The following UVRAG variants were observed in gnomAD, a reference collection of about 807,000 sequenced individuals.
UVRAG encodes UV radiation resistance associated.
A neutral mutation model predicts 78.0 loss-of-function variants in UVRAG; 19 were observed. The ratio of observed to expected loss-of-function variants is 0.24; its 90% CI spans 0.17 to 0.36. UVRAG has a LOEUF of 0.36. Ranked by LOEUF, UVRAG falls within the 10% of genes least tolerant of loss-of-function variation. The pLI, the probability that UVRAG is intolerant of heterozygous loss-of-function variation, is 1.00. For missense variants in UVRAG, 740 were observed against 853.8 expected (o/e 0.87, Z 1.66); for synonymous variants, 323 against 324.6 (o/e 1.00, Z 0.05).
intron 13 of UVRAG, among the ~76,000 whole-genome samples, chr11:76,112,242 G>A (rs1269392107): frequency 6.6e-6 from 1 of 152,150 alleles, no homozygotes; most frequent in Non-Finnish European, 1.5e-5. Flanking sequence ...GCATGTTAAC[G>A]GGTTTCTCAG....
At chr11:75,838,931 G>GAGCT (rs1945848044) in intron 1 of UVRAG, 1 of 152,248 alleles carries the variant, frequency 6.6e-6, no homozygotes, top group Non-Finnish European at 1.5e-5. Context: ...ACAGAGGCCT[G>GAGCT]AGCTAGCACC....
chr11:76,092,897 T>G (rs1951728184), intron 13 of UVRAG, among the ~76,000 whole-genome samples: 2 of 152,222 alleles, frequency 1.3e-5, no homozygotes, highest in South Asian at 2.1e-4. Context: ...GTTTTAGACA[T>G]GAAGTCCTTG....
intron 12 of UVRAG, among the ~76,000 whole-genome samples, chr11:76,050,678 GTAA>G (rs973630405): frequency 6.6e-6 from 1 of 152,112 alleles, no homozygotes; most frequent in South Asian, 2.1e-4. Flanking sequence ...GTTAAGAAAG[GTAA>G]TAATAATAAT....
intron 13 of UVRAG, among the ~76,000 whole-genome samples, chr11:76,083,642 T>C (rs1951537326): frequency 6.6e-6 from 1 of 152,226 alleles, no homozygotes; most frequent in African/African-American, 2.4e-5. Flanking sequence ...TGCTGAACTA[T>C]GACCACTAAG....
chr11:75,833,418 A>G (rs930644363), intron 1 of UVRAG, among the ~76,000 whole-genome samples: 4 of 152,200 alleles, frequency 2.6e-5, no homozygotes, highest in Non-Finnish European at 5.9e-5. Flanking sequence ...TTTTATGTGA[A>G]TCATTTAAAG....
At chr11:76,037,373 A>G (rs747947563) in intron 12 of UVRAG, among the ~76,000 whole-genome samples, 19 of 152,120 alleles carry the variant, frequency 1.2e-4, no homozygotes, top group Non-Finnish European at 1.9e-4. Flanking sequence ...AAAATTAGAT[A>G]CTTATTTAGA....
intron 12 of UVRAG, among the ~76,000 whole-genome samples, chr11:76,048,124 G>T (rs887347648): frequency 3.9e-5 from 6 of 152,112 alleles, no homozygotes; most frequent in Non-Finnish European, 8.8e-5. Flanking sequence ...TGATCTTTTT[G>T]GATAAAAACA....
intron 6 of UVRAG, among the ~76,000 whole-genome samples, chr11:75,932,161 T>C (rs1458622917): frequency 6.6e-6 from 1 of 152,168 alleles, no homozygotes; most frequent in Non-Finnish European, 1.5e-5. Flanking sequence ...TTTGGCAATA[T>C]CAATTTATAA....
intron 7 of UVRAG, among the ~76,000 whole-genome samples, chr11:75,976,280 T>A (rs1949237108): frequency 1.3e-5 from 2 of 152,258 alleles, no homozygotes; most frequent in African/African-American, 4.8e-5. Flanking sequence ...AGTGTTTTAC[T>A]GAGGATTTTT....
At chr11:76,065,900 C>A in intron 13 of UVRAG, 112 bp downstream of exon 13, 1 of 897,776 alleles carries the variant, frequency 1.1e-6, no homozygotes, top group Non-Finnish European at 1.7e-6. Context: ...CGCATTTAAC[C>A]AGTTACATTA....
chr11:76,075,481 C>T (rs2134399842), intron 13 of UVRAG, among the ~76,000 whole-genome samples: 1 of 152,062 alleles, frequency 6.6e-6, no homozygotes, highest in South Asian at 2.1e-4. Flanking sequence ...GGCAGGGTTG[C>T]AGTCGCCTGT....
intron 13 of UVRAG, among the ~76,000 whole-genome samples, chr11:76,089,395 T>A (rs1366917800): frequency 6.6e-6 from 1 of 152,216 alleles, no homozygotes; most frequent in Non-Finnish European, 1.5e-5. Flanking sequence ...TAATTTTAGA[T>A]ACAGTAGTGG....
At chr11:76,043,691 G>T (rs1950694097) in intron 12 of UVRAG, among the ~76,000 whole-genome samples, 1 of 152,180 alleles carries the variant, frequency 6.6e-6, no homozygotes, top group Admixed American at 6.5e-5. Context: ...ATGTCTAGTA[G>T]AAGTGTACAT....
intron 6 of UVRAG, chr11:75,942,512 A>G (rs1948505415): frequency 6.6e-6 from 1 of 152,080 alleles, no homozygotes; most frequent in South Asian, 2.1e-4. Flanking sequence ...AGACTTACAA[A>G]TCCATGTTTT....
chr11:75,842,526 C>A (rs1945939263), intron 1 of UVRAG, among the ~76,000 whole-genome samples: 1 of 151,466 alleles, frequency 6.6e-6, no homozygotes, highest in African/African-American at 2.4e-5. Flanking sequence ...ACTGCAACCT[C>A]CCCCTCCTGG....
In UVRAG at chr11:76,141,107, C is replaced by T; in HGVS notation, c.1794C>T (p.Gly598=). Residue 598 remains glycine, a synonymous_variant, in exon 15 of 15, where the codon GGC becomes GGT. Coordinates refer to ENST00000356136, the MANE Select transcript of UVRAG (RefSeq NM_003369.4). Reference sequence around the variant, plus strand: ...CCGGGCACCGGGCCACAGTCAATGGCACTCTCCTACCCAGCGAGCAGGCCG... The same window carrying T: ...CCGGGCACCGGGCCACAGTCAATGGTACTCTCCTACCCAGCGAGCAGGCCG... The part of the protein sequence containing the change: ...ALSGHRATVN[G]TLLPSEQAGS... 1 of 1,614,178 alleles carries T rather than the reference C, an allele frequency of 6.2e-7. No individual in the cohort carries two copies. Among genetic ancestry groups the T allele is most frequent in the Non-Finnish European group, 8.5e-7 (1 of 1,180,056 alleles).
intron 5 of UVRAG, among the ~76,000 whole-genome samples, chr11:75,898,787 G>A (rs958078724): frequency 1.3e-5 from 2 of 152,170 alleles, no homozygotes; most frequent in African/African-American, 2.4e-5. Flanking sequence ...TTTTCAGGAT[G>A]AAGATGCTGA....
rs780853954 is a variant in UVRAG, at chr11:75,957,696, C to T, written c.594-3748C>T. On this transcript the variant is annotated intron_variant, in intron 6 of 14. Transcript: ENST00000356136. ...ATGTATTTTTTACTTACTAGTTCTT[C>T]TTTATTGTAGCAGTGTTTTGTGACT... Among the ~76,000 whole-genome samples the T allele has an allele frequency of 4.6e-5, 7 of 152,148 alleles. 1 individual carries two copies. Among genetic ancestry groups the T allele is most frequent in the Non-Finnish European group, 1.0e-4 (7 of 67,996 alleles).
chr11:76,027,186 A>T lies in UVRAG; in HGVS notation c.1226+10206A>T, dbSNP rs113628155. 7.3e-3 allele frequency among the ~76,000 whole-genome samples: 1,116 copies of T among 152,238 alleles called. 11 individuals are homozygous for T. Among genetic ancestry groups the T allele is most frequent in the African/African-American group, 0.026 (1,066 of 41,550 alleles). ...TGAAGTGCTAATTATTAAGTTTTGT[A>T]CTTGTAAAGCAAACATATAGGAGAT... is the stretch of plus-strand genomic sequence containing the variant. On this transcript the variant is annotated intron_variant, in intron 12 of 14. Transcript: ENST00000356136.
Sources: gnomAD v4.1 joint callset for allele counts (sites outside exome capture counted in the v4.1 genomes callset) on GRCh38, gnomAD v4.1.1 for gene constraint, MANE v1.5 for transcripts, NCBI Gene and HGNC (gene_info 2026-07-23, HGNC 2026-07-21) for gene names.